ANKRD30B: variants seen among roughly 807,000 people sequenced by gnomAD.
The protein encoded by ANKRD30B is ankyrin repeat domain 30B.
ANKRD30B carries 144 observed loss-of-function variants against 202.2 expected under a neutral mutation model. The ratio of observed to expected loss-of-function variants is 0.71; its 90% CI spans 0.62 to 0.82. ANKRD30B has a LOEUF of 0.82. ANKRD30B is among the 40% of genes least tolerant of loss of function. The pLI, the probability that ANKRD30B is intolerant of heterozygous loss-of-function variation, is 0.00. For missense variants in ANKRD30B, 1,487 were observed against 1,669.1 expected (o/e 0.89, Z 1.90); for synonymous variants, 508 against 561.3 (o/e 0.91, Z 1.34).
the ANKRD30B span, chr18:14,889,976 A>T: frequency 1.6e-4 from 140 of 865,768 alleles, no homozygotes; most frequent in Non-Finnish European, 2.4e-4. Flanking sequence ...CTAAGCGATC[A>T]ATTATCAATA....
At chr18:14,873,294 G>A in the ANKRD30B span, among the ~76,000 whole-genome samples, 3 of 152,196 alleles carry the variant, frequency 2.0e-5, no homozygotes, top group Non-Finnish European at 2.9e-5. Context: ...GGGAGGCCGA[G>A]GTGGGTGGAT....
chr18:14,920,219 G>A, the ANKRD30B span, among the ~76,000 whole-genome samples: 1 of 152,190 alleles, frequency 6.6e-6, no homozygotes, highest in African/African-American at 2.4e-5. Flanking sequence ...GTAGGTACTG[G>A]GTGTTGTGTG....
At chr18:14,753,898 C>T (rs1252231461) in intron 3 of ANKRD30B, among the ~76,000 whole-genome samples, 1 of 152,004 alleles carries the variant, frequency 6.6e-6, no homozygotes, top group Admixed American at 6.6e-5. Flanking sequence ...ATTAGTAAGC[C>T]ATTTTATTCA....
At chr18:14,768,649 T>C (rs1340282601) in intron 7 of ANKRD30B, among the ~76,000 whole-genome samples, 1 of 152,180 alleles carries the variant, frequency 6.6e-6, no homozygotes, top group Non-Finnish European at 1.5e-5. Context: ...GTCACAGAAG[T>C]CTTCTGTTTT....
In ANKRD30B at chr18:14,820,167, T is replaced by G. The variant is rs375693387; in HGVS notation, c.2642-2316T>G. Among the ~76,000 whole-genome samples the G allele has an allele frequency of 5.9e-5, 9 of 152,278 alleles. No individual in the cohort carries two copies. In the East Asian group the frequency reaches 1.7e-3, roughly 29 times the overall value. On this transcript the variant is annotated intron_variant, in intron 30 of 43. Coordinates refer to ENST00000690538, the MANE Select transcript of ANKRD30B (RefSeq NM_001367607.2). ...CTCATGATTTGGCTCTCTGTTTGTC[T>G]GTTATTGGTGTATAAGAATGCTTGT... is the stretch of plus-strand genomic sequence containing the variant.
the ANKRD30B span, among the ~76,000 whole-genome samples, chr18:14,892,520 C>G: frequency 6.6e-6 from 1 of 152,074 alleles, no homozygotes; most frequent in Non-Finnish European, 1.5e-5. Flanking sequence ...AGGCAGATCA[C>G]TTGAGGTCAG....
In ANKRD30B at chr18:14,842,747, T is replaced by C. The variant is rs185545794; in HGVS notation, c.3080-150T>C. On this transcript the variant is annotated intron_variant, in intron 37 of 43. Transcript: ENST00000690538. ...GTGTATTTCTGTCATGTGATTGTCC[T>C]AAAGAAACATACCGAAAGAAAACCC... is the stretch of plus-strand genomic sequence containing the variant. The C allele has an allele frequency of 1.5e-4, 111 of 732,990 alleles. 1 individual carries two copies. The African/African-American group carries it at 1.7e-3, about 11-fold the overall frequency. 45.4% of individuals were successfully genotyped at this position (732,990 alleles called of 1,614,324 possible).
At chr18:14,760,100 A>G (rs898290018) in intron 5 of ANKRD30B, among the ~76,000 whole-genome samples, 7 of 152,140 alleles carry the variant, frequency 4.6e-5, no homozygotes, top group African/African-American at 1.4e-4. Context: ...TTCAAGAATA[A>G]ATTATTTCAT....
In ANKRD30B at chr18:14,748,609, G is replaced by A. The variant is rs779120861; in HGVS notation, c.190G>A (p.Val64Ile). ...GAAGATGACAGTAGGGAAGAAGCCC[G>A]TCAACCTGAACAAAAGAGATATGAA... Reference protein sequence around the residue: ...LEKMTVGKKPVNLNKRDMKKR... With the variant: ...LEKMTVGKKPINLNKRDMKKR... The change falls in exon 1 of 44, where the codon GTC (valine) becomes ATC (isoleucine). Residue 64 changes from valine to isoleucine, a missense_variant. Around this residue, in one of 6 missense-constraint regions of ANKRD30B, gnomAD observed 889 missense variants for 841.4 expected, o/e 1.06. Transcript: ENST00000690538. 2 of 1,566,914 alleles carry A rather than the reference G, an allele frequency of 1.3e-6. No homozygotes were observed. The highest frequency in any genetic ancestry group is 2.4e-5 in the East Asian group (1 of 42,440).
chr18:14,873,524 CAAAAA>C, the ANKRD30B span, among the ~76,000 whole-genome samples: 4 of 90,652 alleles, frequency 4.4e-5, no homozygotes, highest in East Asian at 3.3e-4. Flanking sequence ...GACTCCGTTT[CAAAAA>C]AAAAAAAAAA....
At chr18:14,830,641 A>C (rs1476478626) in intron 33 of ANKRD30B, among the ~76,000 whole-genome samples, 1 of 152,188 alleles carries the variant, frequency 6.6e-6, no homozygotes, top group Admixed American at 6.5e-5. Flanking sequence ...TGGATAAGGG[A>C]CAAGGTAACT....
the ANKRD30B span, among the ~76,000 whole-genome samples, chr18:14,921,069 G>C: frequency 1.3e-5 from 2 of 152,340 alleles, no homozygotes; most frequent in Admixed American, 1.3e-4. Flanking sequence ...GAAGAAAGGT[G>C]GAGCCCAGTA....
chr18:14,923,504 A>C, the ANKRD30B span, among the ~76,000 whole-genome samples: 2 of 152,012 alleles, frequency 1.3e-5, no homozygotes, highest in Non-Finnish European at 2.9e-5. Context: ...ACCACCAAGA[A>C]CATTTGTAAG....
In ANKRD30B at chr18:14,822,420, G is replaced by A. The variant is rs551805324; in HGVS notation, c.2642-63G>A. On this transcript the variant is annotated intron_variant, in intron 30 of 43. Transcript: ENST00000690538. Reference sequence around the variant, plus strand: ...ATTCATCTTCATATTCACACTGCATGAATGTTTGGTAGACTTTGACAGGCT... The same window carrying A: ...ATTCATCTTCATATTCACACTGCATAAATGTTTGGTAGACTTTGACAGGCT... 6.4e-6 allele frequency: 6 copies of A among 934,096 alleles called. No homozygotes were observed. In the Admixed American group the frequency reaches 1.1e-4, roughly 17 times the overall value. 57.9% of individuals were successfully genotyped at this position (934,096 alleles called of 1,614,324 possible). A position where few individuals can be genotyped will look rare whatever the true frequency, so the allele number is the denominator to read the frequency against.
chr18:14,773,019 A>C (rs2143807429), intron 9 of ANKRD30B, among the ~76,000 whole-genome samples: 1 of 152,302 alleles, frequency 6.6e-6, no homozygotes, highest in East Asian at 1.9e-4. Context: ...TTATTAAGGC[A>C]TGCCAGTGTG....
intron 32 of ANKRD30B, among the ~76,000 whole-genome samples, chr18:14,825,651 A>G (rs1434949942): frequency 6.6e-6 from 1 of 151,900 alleles, no homozygotes; most frequent in Admixed American, 6.6e-5. Context: ...GTTTGTGTCT[A>G]TTTCCTATAA....
At chr18:14,831,498 T>C in intron 34 of ANKRD30B, 43 bp downstream of exon 34, 1 of 1,046,190 alleles carries the variant, frequency 9.6e-7, no homozygotes, top group Non-Finnish European at 1.4e-6. Context: ...AGTTGGAATC[T>C]AATTCTGTAT....
intron 19 of ANKRD30B, 37 bp downstream of exon 19, chr18:14,797,726 A>G: frequency 6.2e-7 from 1 of 1,607,076 alleles, no homozygotes; most frequent in East Asian, 2.2e-5. Context: ...AATATTAACT[A>G]CATATTTTTG....
At chr18:14,806,936 T>C (rs1222794422) in intron 24 of ANKRD30B, among the ~76,000 whole-genome samples, 1 of 150,974 alleles carries the variant, frequency 6.6e-6, no homozygotes. Context: ...AGTTTAAAGA[T>C]ATTAATGAAT....
Sources: allele counts gnomAD v4.1 joint callset (sites outside exome capture counted in the v4.1 genomes callset), GRCh38; gene constraint gnomAD v4.1.1; regional missense constraint gnomAD v4.1.1; transcripts MANE v1.5; gene names NCBI Gene and HGNC (gene_info 2026-07-23, HGNC 2026-07-21).